TSHZ2: variants seen among roughly 807,000 people sequenced by gnomAD.
TSHZ2 encodes the protein teashirt zinc finger homeobox 2.
A neutral mutation model predicts 74.4 loss-of-function variants in TSHZ2; 21 were observed. The observed-to-expected ratio is 0.28, with a 90% CI of 0.20 to 0.41. TSHZ2 has a LOEUF of 0.41. Ranked by LOEUF, TSHZ2 falls within the 10% of genes least tolerant of loss-of-function variation. The pLI, the probability that TSHZ2 is intolerant of heterozygous loss-of-function variation, is 1.00. For missense variants in TSHZ2, 1,244 were observed against 1,293.5 expected, an observed-to-expected ratio of 0.96 and a Z score of 0.59; for synonymous variants, 540 against 515.3, an observed-to-expected ratio of 1.05 and a Z score of -0.65.
intron 1 of TSHZ2, among the ~76,000 whole-genome samples, chr20:53,067,813 G>A (rs1156583341): frequency 6.6e-6 from 1 of 152,186 alleles, no homozygotes; most frequent in Non-Finnish European, 1.5e-5. Flanking sequence ...GCCACAAACT[G>A]GGTGGCTTAA....
chr20:53,009,999 C>T (rs1982792575), intron 1 of TSHZ2, among the ~76,000 whole-genome samples: 1 of 152,114 alleles, frequency 6.6e-6, no homozygotes, highest in South Asian at 2.1e-4. Context: ...CTATCATTGT[C>T]ATTGTTGATT....
In TSHZ2 at chr20:53,438,881, C is replaced by T. The variant is rs566928940; in HGVS notation, c.*9-48263C>T. On this transcript the variant is annotated intron_variant, in intron 2 of 2. Coordinates refer to ENST00000371497, the MANE Select transcript of TSHZ2 (RefSeq NM_173485.6). ...AGACTGAGGCTGCGGAATCGCTTGA[C>T]CCCAGGAGGCGGAGGTTGCGGTGAG... 3.9e-5 allele frequency among the ~76,000 whole-genome samples: 6 copies of T among 152,222 alleles called. No homozygotes were observed. In the East Asian group the frequency reaches 1.2e-3, roughly 29 times the overall value.
intron 2 of TSHZ2, among the ~76,000 whole-genome samples, chr20:53,331,745 A>G (rs762250090): frequency 6.6e-6 from 1 of 152,136 alleles, no homozygotes; most frequent in Non-Finnish European, 1.5e-5. Flanking sequence ...GAAAAGGGTT[A>G]TGACAAGCAG....
chr20:53,487,272 C>CAAAAAAAAAA lies in TSHZ2; in HGVS notation c.*149_*158dup, dbSNP rs11394425. Reference sequence around the variant, plus strand: ...GACACCCTGGCTCTGAGAAGACTGCCAAAAAAAAAAAAAAAAAAAAATCAC... The same window carrying CAAAAAAAAAA: ...GACACCCTGGCTCTGAGAAGACTGCCAAAAAAAAAAAAAAAAAAAAAAAAAAAAAAATCAC... On this transcript the variant is annotated 3_prime_UTR_variant, in exon 3 of 3. Transcript: ENST00000371497. 1 of 112,092 alleles carries CAAAAAAAAAA rather than the reference C, an allele frequency of 8.9e-6. No homozygotes were observed. The highest frequency in any genetic ancestry group is 1.8e-5 in the Non-Finnish European group (1 of 54,690). 6.9% of individuals were successfully genotyped at this position (112,092 alleles called of 1,614,324 possible).
intron 1 of TSHZ2, among the ~76,000 whole-genome samples, chr20:53,129,735 AC>A (rs1443122043): frequency 3.3e-5 from 5 of 152,082 alleles, no homozygotes; most frequent in Admixed American, 6.6e-5. Context: ...CTGTCAGTCT[AC>A]GCAGAGTGGC....
chr20:53,234,250 C>T (rs1178794473), intron 1 of TSHZ2, among the ~76,000 whole-genome samples: 1 of 152,184 alleles, frequency 6.6e-6, no homozygotes, highest in Non-Finnish European at 1.5e-5. Context: ...CCACAGCCAA[C>T]CCAGAAAAAT....
chr20:53,315,347 G>A (rs1978960964), intron 2 of TSHZ2, among the ~76,000 whole-genome samples: 1 of 152,182 alleles, frequency 6.6e-6, no homozygotes, highest in Non-Finnish European at 1.5e-5. Context: ...TCCTTCTCTT[G>A]AAGTGAATTC....
chr20:53,305,386 A>G (rs1978487607), intron 2 of TSHZ2, among the ~76,000 whole-genome samples: 1 of 152,166 alleles, frequency 6.6e-6, no homozygotes, highest in Admixed American at 6.5e-5. Flanking sequence ...GGTTTTGGAT[A>G]GCCAAGTTTT....
intron 2 of TSHZ2, among the ~76,000 whole-genome samples, chr20:53,342,824 G>A (rs539286120): frequency 6.6e-6 from 1 of 152,044 alleles, no homozygotes; most frequent in South Asian, 2.1e-4. Flanking sequence ...TTCTGCTGTG[G>A]AACATCTACA....
At chr20:53,464,667 CTA>C (rs1344086347) in intron 2 of TSHZ2, among the ~76,000 whole-genome samples, 4 of 152,118 alleles carry the variant, frequency 2.6e-5, no homozygotes, top group Non-Finnish European at 5.9e-5. Flanking sequence ...CAGGGTCTTG[CTA>C]TGTTACCCAG....
chr20:52,979,792 C>T (rs1309692965), intron 1 of TSHZ2, among the ~76,000 whole-genome samples: 1 of 152,094 alleles, frequency 6.6e-6, no homozygotes, highest in African/African-American at 2.4e-5. Flanking sequence ...ATTCAGGAGG[C>T]ACAGCAAGAT....
chr20:53,307,417 A>G (rs1250446133), intron 2 of TSHZ2, among the ~76,000 whole-genome samples: 2 of 152,178 alleles, frequency 1.3e-5, no homozygotes, highest in Non-Finnish European at 2.9e-5. Context: ...ACAGCACTGC[A>G]TCATAGCAGC....
At chr20:53,466,683 C>G (rs150381077) in intron 2 of TSHZ2, among the ~76,000 whole-genome samples, 25 of 152,302 alleles carry the variant, frequency 1.6e-4, no homozygotes, top group Non-Finnish European at 2.6e-4. Context: ...TGACAATTGT[C>G]AAGTGTTAAG....
chr20:53,435,735 G>A (rs1031185487), intron 2 of TSHZ2, among the ~76,000 whole-genome samples: 5 of 152,100 alleles, frequency 3.3e-5, no homozygotes, highest in African/African-American at 7.2e-5. Flanking sequence ...GGCTGGTGTC[G>A]AACTCCTGAC....
Position 53,426,606 on chromosome 20 carries a change from ATTTTTATTTTAGCGG to A in TSHZ2, c.*9-60537_*9-60523del, listed in dbSNP as rs1600630370. Among the ~76,000 whole-genome samples, 5 of 152,250 alleles carry A rather than the reference ATTTTTATTTTAGCGG, an allele frequency of 3.3e-5. No homozygotes were observed. In the East Asian group the frequency reaches 9.6e-4, roughly 29 times the overall value. Reference sequence around the variant, plus strand: ...AGATTAATGACAAAGATAAATGATGATTTTTATTTTAGCGGAAGTTTCAGCGCGTTTTCTGCCCAG... The same window carrying A: ...AGATTAATGACAAAGATAAATGATGAAAGTTTCAGCGCGTTTTCTGCCCAG... On this transcript the variant is annotated intron_variant, in intron 2 of 2. Transcript: ENST00000371497.
chr20:53,218,400 G>A (rs977513808), intron 1 of TSHZ2, among the ~76,000 whole-genome samples: 2 of 152,172 alleles, frequency 1.3e-5, no homozygotes, highest in African/African-American at 2.4e-5. Flanking sequence ...TTATTTGTTC[G>A]GCCCACACAA....
chr20:53,019,500 G>C (rs1983157445), intron 1 of TSHZ2, among the ~76,000 whole-genome samples: 1 of 152,138 alleles, frequency 6.6e-6, no homozygotes, highest in Admixed American at 6.5e-5. Context: ...TGAGGAAAGG[G>C]AGTGGTATCA....
At chr20:53,228,425 C>A (rs965301046) in intron 1 of TSHZ2, among the ~76,000 whole-genome samples, 1 of 152,122 alleles carries the variant, frequency 6.6e-6, no homozygotes, top group Non-Finnish European at 1.5e-5. Flanking sequence ...TTGTAAAAAG[C>A]GATATAACAG....
chr20:53,420,294 C>T (rs1410314353), intron 2 of TSHZ2, among the ~76,000 whole-genome samples: 1 of 152,008 alleles, frequency 6.6e-6, no homozygotes, highest in Admixed American at 6.6e-5. Context: ...GTGTGTCAGC[C>T]GGGCATGCAG....
Sources: allele counts gnomAD v4.1 joint callset (sites outside exome capture counted in the v4.1 genomes callset), GRCh38; gene constraint gnomAD v4.1.1; transcripts MANE v1.5; gene names NCBI Gene and HGNC (gene_info 2026-07-23, HGNC 2026-07-21).